PTGER3: variants seen among roughly 807,000 people sequenced by gnomAD.
PTGER3 encodes prostaglandin E2 receptor EP3 subtype.
In PTGER3, 22 loss-of-function variants were observed where a neutral mutation model predicts 34.7. That is an observed-to-expected ratio of 0.63 (90% CI 0.45 to 0.91). The LOEUF (loss-of-function observed/expected upper bound fraction) is 0.91, where lower values mean the gene tolerates loss of function less well. Among genes scored for constraint, PTGER3 ranks in the 40% least tolerant of loss-of-function variants. PTGER3 has a pLI of 0.00. For synonymous variants in PTGER3, 241 were observed against 230.1 expected, an observed-to-expected ratio of 1.05 and a Z score of -0.43; for missense variants, 468 against 519.4, an observed-to-expected ratio of 0.90 and a Z score of 0.96.
chr1:71,003,386 T>C (rs942340819), intron 2 of PTGER3, among the ~76,000 whole-genome samples: 1 of 152,184 alleles, frequency 6.6e-6, no homozygotes, highest in Non-Finnish European at 1.5e-5. Flanking sequence ...GGAGATTACA[T>C]TTTTCCAGGG....
intron 2 of PTGER3, among the ~76,000 whole-genome samples, chr1:70,990,092 G>C (rs1462409724): frequency 6.6e-6 from 1 of 151,768 alleles, no homozygotes; most frequent in African/African-American, 2.4e-5. Flanking sequence ...GGTGGCTCAC[G>C]GCTGTAATGC....
chr1:70,876,527 G>T (rs1413537541), intron 4 of PTGER3, among the ~76,000 whole-genome samples: 3 of 151,924 alleles, frequency 2.0e-5, no homozygotes, highest in Non-Finnish European at 1.5e-5. Context: ...TAAACTATCT[G>T]CCAGAGCCTA....
Position 71,012,136 on chromosome 1 carries a change from C to A in PTGER3, c.1077+169G>T, listed in dbSNP as rs150088503. ...CTTCAATGCATAAACAGTGGCATGC[C>A]AGAGATGCCTAAATTCACAGTAAGG... On this transcript the variant is annotated intron_variant, in intron 2 of 3. Coordinates refer to ENST00000306666, the MANE Select transcript of PTGER3 (RefSeq NM_198719.2). 119 of 1,523,892 alleles carry A rather than the reference C, an allele frequency of 7.8e-5. 1 individual carries two copies. The East Asian group carries it at 2.6e-3, about 33-fold the overall frequency. The allele number at this position is 1,523,892 out of a possible 1,614,324, so 94.4% of individuals were successfully genotyped here.
intron 2 of PTGER3, among the ~76,000 whole-genome samples, chr1:70,975,164 A>G (rs1265906822): frequency 6.6e-6 from 1 of 152,166 alleles, no homozygotes; most frequent in Non-Finnish European, 1.5e-5. Context: ...GCTTCACAAG[A>G]GCAGGAACTG....
intron 3 of PTGER3, among the ~76,000 whole-genome samples, chr1:70,973,162 CATAG>C (rs749139933): frequency 2.8e-4 from 40 of 144,446 alleles, no homozygotes; most frequent in African/African-American, 5.1e-4. Flanking sequence ...GTGTTATAGA[CATAG>C]ATAGATAGAC....
chr1:71,011,825 A>C, intron 2 of PTGER3: 1 of 998,872 alleles, frequency 1.0e-6, no homozygotes, highest in Non-Finnish European at 1.2e-6. Context: ...AATGTCTTTG[A>C]ATAAAAACAA....
chr1:71,036,373 C>T (rs533871517), intron 1 of PTGER3, among the ~76,000 whole-genome samples: 37 of 152,100 alleles, frequency 2.4e-4, no homozygotes, highest in Non-Finnish European at 4.6e-4. Context: ...AAGGGAAAAA[C>T]TGGGTATGGT....
chr1:70,974,253 G>A (rs756101825), intron 3 of PTGER3, 44 bp downstream of exon 3: 8 of 1,606,100 alleles, frequency 5.0e-6, no homozygotes, highest in South Asian at 2.2e-5. Context: ...ACAGAGAGAC[G>A]GGGGAAGGCT....
At chr1:70,920,096 C>T (rs1280298346) in intron 4 of PTGER3, among the ~76,000 whole-genome samples, 1 of 152,134 alleles carries the variant, frequency 6.6e-6, no homozygotes, top group Non-Finnish European at 1.5e-5. Flanking sequence ...TTAATGCTGA[C>T]AGTTGTCTCA....
chr1:70,897,907 T>G (rs952944155), intron 4 of PTGER3, among the ~76,000 whole-genome samples: 1 of 152,168 alleles, frequency 6.6e-6, no homozygotes, highest in Non-Finnish European at 1.5e-5. Flanking sequence ...TGCATTTCCT[T>G]GTTTCTAGTC....
intron 4 of PTGER3, among the ~76,000 whole-genome samples, chr1:70,921,644 T>TAA (rs61498747): frequency 2.7e-5 from 4 of 150,224 alleles, no homozygotes; most frequent in East Asian, 2.0e-4. Flanking sequence ...TGCAGGTCCC[T>TAA]AAAAAAAAAT....
At chr1:70,892,837 CAA>C (rs1176220550) in intron 4 of PTGER3, among the ~76,000 whole-genome samples, 5 of 47,894 alleles carry the variant, frequency 1.0e-4, no homozygotes, top group Admixed American at 2.1e-4. Context: ...CAAGACTCCT[CAA>C]AAAAAAAAAA....
At chr1:70,926,726 G>C (rs1236003295) in intron 4 of PTGER3, among the ~76,000 whole-genome samples, 1 of 151,818 alleles carries the variant, frequency 6.6e-6, no homozygotes, top group Non-Finnish European at 1.5e-5. Flanking sequence ...TGTTGAATAG[G>C]AGTGGTGAGA....
chr1:70,973,233 A>AGATAGATAGATAGAT, intron 3 of PTGER3, among the ~76,000 whole-genome samples: 1 of 121,198 alleles, frequency 8.3e-6, no homozygotes, highest in Non-Finnish European at 2.0e-5. Context: ...ATAGATAGAT[A>AGATAGATAGATAGAT]GATAGATAGA....
chr1:70,978,945 T>C (rs935175582), intron 2 of PTGER3, among the ~76,000 whole-genome samples: 3 of 152,206 alleles, frequency 2.0e-5, no homozygotes, highest in African/African-American at 7.2e-5. Context: ...ATCTGGAATC[T>C]AGCTTTCTCT....
At chr1:70,912,739 T>A (rs1647087783) in intron 4 of PTGER3, among the ~76,000 whole-genome samples, 1 of 152,130 alleles carries the variant, frequency 6.6e-6, no homozygotes, top group Non-Finnish European at 1.5e-5. Context: ...TGTTCCAGCA[T>A]CTTTGTTAAA....
At chr1:71,041,224 C>T (rs1442420666) in intron 1 of PTGER3, among the ~76,000 whole-genome samples, 2 of 152,200 alleles carry the variant, frequency 1.3e-5, no homozygotes, top group African/African-American at 4.8e-5. Flanking sequence ...ATAGCTTAGC[C>T]TTGCCTATCT....
At chr1:71,019,514 T>A (rs1658210869) in intron 1 of PTGER3, among the ~76,000 whole-genome samples, 1 of 152,106 alleles carries the variant, frequency 6.6e-6, no homozygotes, top group African/African-American at 2.4e-5. Context: ...CACAACTACA[T>A]CAGTGACCTC....
downstream of PTGER3, among the ~76,000 whole-genome samples, chr1:70,948,357 C>T (rs1650419367): frequency 6.6e-6 from 1 of 152,090 alleles, no homozygotes; most frequent in African/African-American, 2.4e-5. Flanking sequence ...CTCTACAATT[C>T]TCCTTCCTGC....
Sources: allele counts gnomAD v4.1 joint callset (sites outside exome capture counted in the v4.1 genomes callset), GRCh38; gene constraint gnomAD v4.1.1; transcripts MANE v1.5; gene names NCBI Gene and HGNC (gene_info 2026-07-23, HGNC 2026-07-21).